The following CACNA1E variants were observed in gnomAD, a reference collection of about 807,000 sequenced individuals.
CACNA1E encodes the protein voltage-dependent R-type calcium channel subunit alpha-1E.
CACNA1E carries 40 observed loss-of-function variants against 259.2 expected under a neutral mutation model. That is an observed-to-expected ratio of 0.15 (90% CI 0.12 to 0.20). The LOEUF (loss-of-function observed/expected upper bound fraction) is 0.20. CACNA1E is among the 10% of genes least tolerant of loss of function. The pLI, the probability that CACNA1E is intolerant of heterozygous loss-of-function variation, is 1.00. For synonymous variants in CACNA1E, 1,104 were observed against 1,138.5 expected (o/e 0.97, Z 0.61); for missense variants, 1,874 against 3,040.1 (o/e 0.62, Z 9.02).
intron 21 of CACNA1E, among the ~76,000 whole-genome samples, chr1:181,734,541 C>T (rs2102564576): frequency 6.7e-6 from 1 of 148,314 alleles, no homozygotes; most frequent in Non-Finnish European, 1.5e-5. Flanking sequence ...GACCCCATAC[C>T]CCATCCCTGC....
At chr1:181,437,020 A>G (rs1489451406) in intron 2 of CACNA1E, among the ~76,000 whole-genome samples, 1 of 152,144 alleles carries the variant, frequency 6.6e-6, no homozygotes, top group Non-Finnish European at 1.5e-5. Context: ...AATAATAGAA[A>G]ACCCCCAAAA....
chr1:181,318,353 A>G (rs1650065157), intron 1 of CACNA1E, among the ~76,000 whole-genome samples: 1 of 152,044 alleles, frequency 6.6e-6, no homozygotes, highest in Non-Finnish European at 1.5e-5. Flanking sequence ...TTCCTTTGCA[A>G]CTTCTGTGGG....
chr1:181,428,590 G>A (rs1659478331), intron 2 of CACNA1E, among the ~76,000 whole-genome samples: 1 of 152,084 alleles, frequency 6.6e-6, no homozygotes, highest in Admixed American at 6.5e-5. Flanking sequence ...TAGTGTCCAG[G>A]TGGTGGTGAT....
chr1:181,772,381 C>A, intron 37 of CACNA1E, 150 bp downstream of exon 37: 1 of 715,144 alleles, frequency 1.4e-6, no homozygotes, highest in Non-Finnish European at 2.3e-6. Context: ...CACACTCACA[C>A]TCACGTCCAC....
intron 14 of CACNA1E, 52 bp downstream of exon 14, chr1:181,720,389 C>CCCAACACAGGCTACGA: frequency 6.3e-7 from 1 of 1,576,480 alleles, no homozygotes; most frequent in Non-Finnish European, 8.6e-7. Context: ...CCAGTCGTAG[C>CCCAACACAGGCTACGA]CTGTGTTGGG....
chr1:181,366,276 A>G (rs1654259652), intron 1 of CACNA1E, among the ~76,000 whole-genome samples: 1 of 152,118 alleles, frequency 6.6e-6, no homozygotes, highest in African/African-American at 2.4e-5. Context: ...TATTCTTGCT[A>G]CAGGGGTCTG....
chr1:181,739,971 G>T (rs1488409653), intron 25 of CACNA1E, among the ~76,000 whole-genome samples: 1 of 152,170 alleles, frequency 6.6e-6, no homozygotes, highest in African/African-American at 2.4e-5. Flanking sequence ...CAAGGAAAGG[G>T]CTCTTCTAGC....
intron 3 of CACNA1E, among the ~76,000 whole-genome samples, chr1:181,547,066 C>T (rs4651107): frequency 0.015 from 2,212 of 152,262 alleles, 68 homozygotes; most frequent in East Asian, 0.14. Flanking sequence ...AGTCTGTTAA[C>T]GGCCATGAAA....
At chr1:181,780,205 T>C (rs1421887753) in intron 38 of CACNA1E, among the ~76,000 whole-genome samples, 14 of 152,168 alleles carry the variant, frequency 9.2e-5, no homozygotes. Context: ...TCACAGTGAA[T>C]GAAGCACTAC....
At chr1:181,547,249 G>A (rs779615185) in intron 3 of CACNA1E, among the ~76,000 whole-genome samples, 2 of 151,980 alleles carry the variant, frequency 1.3e-5, no homozygotes, top group Non-Finnish European at 2.9e-5. Flanking sequence ...TCTGGCCACC[G>A]ATGCCACCTT....
intron 1 of CACNA1E, among the ~76,000 whole-genome samples, chr1:181,345,968 TCAGG>T (rs1652560639): frequency 1.3e-5 from 2 of 152,212 alleles, no homozygotes; most frequent in Admixed American, 1.3e-4. Flanking sequence ...CAGCTCTGTC[TCAGG>T]CAGGACCAGG....
intron 3 of CACNA1E, among the ~76,000 whole-genome samples, chr1:181,565,143 C>T (rs1328368341): frequency 6.6e-6 from 1 of 152,170 alleles, no homozygotes; most frequent in South Asian, 2.1e-4. Flanking sequence ...AGTCTGGCCA[C>T]ACCAGTTTTA....
intron 46 of CACNA1E, 68 bp downstream of exon 46, chr1:181,795,112 C>T: frequency 7.6e-7 from 1 of 1,308,050 alleles, no homozygotes; most frequent in Non-Finnish European, 1.1e-6. Flanking sequence ...CACTTACTCT[C>T]CAAGGACTGT....
chr1:181,696,499 AC>A (rs1239162995), intron 7 of CACNA1E, among the ~76,000 whole-genome samples: 1 of 152,176 alleles, frequency 6.6e-6, no homozygotes, highest in Non-Finnish European at 1.5e-5. Flanking sequence ...CTCTATAGTT[AC>A]CCCTTCAGAA....
At chr1:181,389,048 T>A (rs1248482528) in intron 1 of CACNA1E, among the ~76,000 whole-genome samples, 1 of 152,226 alleles carries the variant, frequency 6.6e-6, no homozygotes, top group Non-Finnish European at 1.5e-5. Flanking sequence ...TCCATAAGCT[T>A]GTTTCATGTA....
intron 7 of CACNA1E, among the ~76,000 whole-genome samples, chr1:181,676,328 CG>C (rs1649372830): frequency 6.6e-6 from 1 of 152,110 alleles, no homozygotes; most frequent in Non-Finnish European, 1.5e-5. Flanking sequence ...TGGTTCAAGT[CG>C]TGTTCATGTT....
intron 3 of CACNA1E, among the ~76,000 whole-genome samples, chr1:181,576,275 C>T (rs1031801746): frequency 2.0e-5 from 3 of 152,168 alleles, no homozygotes; most frequent in Non-Finnish European, 4.4e-5. Flanking sequence ...TAACCTTTAC[C>T]CCATGTAGGA....
intron 2 of CACNA1E, among the ~76,000 whole-genome samples, chr1:181,463,248 T>C (rs1031567301): frequency 9.2e-5 from 14 of 152,180 alleles, no homozygotes; most frequent in African/African-American, 3.4e-4. Context: ...AATTATGTGA[T>C]ATACTGTAAT....
intron 30 of CACNA1E, 56 bp from the exon 31 acceptor site, chr1:181,757,891 G>C: frequency 6.3e-7 from 1 of 1,577,042 alleles, no homozygotes; most frequent in South Asian, 1.1e-5. Context: ...AACAGAGCCT[G>C]CCATGGTAGA....
Sources: gnomAD v4.1 joint callset for allele counts (sites outside exome capture counted in the v4.1 genomes callset) on GRCh38, gnomAD v4.1.1 for gene constraint, MANE v1.5 for transcripts, NCBI Gene and HGNC (gene_info 2026-07-23, HGNC 2026-07-21) for gene names.